The following CSMD1 variants were observed in gnomAD, a reference collection of about 807,000 sequenced individuals.
The protein encoded by CSMD1 is CUB and sushi domain-containing protein 1.
CSMD1 carries 213 observed loss-of-function variants against 417.5 expected under a neutral mutation model. The ratio of observed to expected loss-of-function variants is 0.51; its 90% CI spans 0.46 to 0.57. CSMD1 has a LOEUF of 0.57. Ranked by LOEUF, CSMD1 falls within the 20% of genes least tolerant of loss-of-function variation. The pLI, the probability that CSMD1 is intolerant of heterozygous loss-of-function variation, is 0.00. For missense variants in CSMD1, 6,923 were observed against 4,529.7 expected, an observed-to-expected ratio of 1.53 and a Z score of -15.17; for synonymous variants, 2,862 against 1,736.8, an observed-to-expected ratio of 1.65 and a Z score of -16.11.
At chr8:4,207,725 A>T (rs951285474) in intron 3 of CSMD1, among the ~76,000 whole-genome samples, 1 of 152,106 alleles carries the variant, frequency 6.6e-6, no homozygotes, top group Non-Finnish European at 1.5e-5. Flanking sequence ...TATTAATAGC[A>T]AAATAACAGT....
At chr8:3,789,889 G>T (rs552542151) in intron 5 of CSMD1, among the ~76,000 whole-genome samples, 1 of 151,798 alleles carries the variant, frequency 6.6e-6, no homozygotes, top group Non-Finnish European at 1.5e-5. Flanking sequence ...CCACCACCAC[G>T]CCTGGCTAAT....
At chr8:3,717,228 C>G (rs1345242028) in intron 6 of CSMD1, among the ~76,000 whole-genome samples, 3 of 152,102 alleles carry the variant, frequency 2.0e-5, no homozygotes, top group Admixed American at 6.5e-5. Flanking sequence ...AGTAAACGTA[C>G]CTTTCCATTA....
In CSMD1 at chr8:3,900,305, G is replaced by C. The variant is rs115425820; in HGVS notation, c.818+97598C>G. Reference sequence around the variant, plus strand: ...AGTGCAGCTGCGTGACACTGTAGCTGGGTGACAGTGCAGCTGGATGACACT... The same window carrying C: ...AGTGCAGCTGCGTGACACTGTAGCTCGGTGACAGTGCAGCTGGATGACACT... On this transcript the variant is annotated intron_variant, in intron 5 of 69. Coordinates refer to ENST00000635120, the MANE Select transcript of CSMD1 (RefSeq NM_033225.6). Among the ~76,000 whole-genome samples, 1,091 of 151,888 alleles carry C rather than the reference G, an allele frequency of 7.2e-3. 16 individuals are homozygous for C. Among genetic ancestry groups the C allele is most frequent in the African/African-American group, 0.025 (1,042 of 41,290 alleles).
intron 3 of CSMD1, among the ~76,000 whole-genome samples, chr8:4,414,201 T>C (rs1325929196): frequency 6.6e-6 from 1 of 152,130 alleles, no homozygotes; most frequent in Non-Finnish European, 1.5e-5. Context: ...TAAATCCAGA[T>C]CCACAGGTGT....
intron 3 of CSMD1, among the ~76,000 whole-genome samples, chr8:4,096,261 G>C (rs1801003552): frequency 6.6e-6 from 1 of 152,044 alleles, no homozygotes; most frequent in Non-Finnish European, 1.5e-5. Context: ...GCTAGCTCTT[G>C]ATAGCAAGCA....
At chr8:4,383,038 C>T (rs1240519348) in intron 3 of CSMD1, among the ~76,000 whole-genome samples, 4 of 152,168 alleles carry the variant, frequency 2.6e-5, no homozygotes, top group South Asian at 2.1e-4. Flanking sequence ...ATATTCTGGT[C>T]TCTGTCAGCA....
At chr8:4,600,492 C>T (rs1001268791) in intron 2 of CSMD1, among the ~76,000 whole-genome samples, 1 of 152,136 alleles carries the variant, frequency 6.6e-6, no homozygotes, top group Non-Finnish European at 1.5e-5. Context: ...ATATAATAGG[C>T]TAAATAAATA....
At chr8:3,702,747 G>T (rs1027747348) in intron 7 of CSMD1, among the ~76,000 whole-genome samples, 1 of 152,180 alleles carries the variant, frequency 6.6e-6, no homozygotes, top group Non-Finnish European at 1.5e-5. Flanking sequence ...CAGGAGAATC[G>T]CTGGAACCTG....
At chr8:3,307,270 G>T (rs919585850) in intron 25 of CSMD1, among the ~76,000 whole-genome samples, 3 of 151,936 alleles carry the variant, frequency 2.0e-5, no homozygotes, top group African/African-American at 4.8e-5. Flanking sequence ...CCTGCTGCAG[G>T]AACAGAAGCC....
At chr8:4,256,216 G>C (rs1481229744) in intron 3 of CSMD1, among the ~76,000 whole-genome samples, 1 of 152,156 alleles carries the variant, frequency 6.6e-6, no homozygotes, top group Non-Finnish European at 1.5e-5. Flanking sequence ...CTCAAAGTAA[G>C]TGCATTTGTG....
At chr8:3,974,465 T>A (rs1342851454) in intron 5 of CSMD1, among the ~76,000 whole-genome samples, 2 of 152,136 alleles carry the variant, frequency 1.3e-5, no homozygotes, top group East Asian at 3.9e-4. Flanking sequence ...TATGGCTACT[T>A]ATTAAAATGT....
intron 3 of CSMD1, among the ~76,000 whole-genome samples, chr8:4,315,198 C>T (rs1402703221): frequency 1.3e-5 from 2 of 152,162 alleles, no homozygotes; most frequent in Non-Finnish European, 2.9e-5. Context: ...TCCACACCTA[C>T]CAGAGGTGGC....
At chr8:3,468,554 G>A (rs111228639) in intron 12 of CSMD1, among the ~76,000 whole-genome samples, 158 bp downstream of exon 12, 2,761 of 152,226 alleles carry the variant, frequency 0.018, 99 homozygotes, top group African/African-American at 0.062. Context: ...ATTCACGAAA[G>A]CGAGTGTTAG....
chr8:4,803,021 T>C (rs1563434886), intron 1 of CSMD1, among the ~76,000 whole-genome samples: 1 of 152,222 alleles, frequency 6.6e-6, no homozygotes, highest in Non-Finnish European at 1.5e-5. Context: ...AGATATCATT[T>C]GGTTTTCTCC....
intron 68 of CSMD1, among the ~76,000 whole-genome samples, chr8:2,946,188 T>C (rs1472886938): frequency 6.6e-6 from 1 of 152,230 alleles, no homozygotes; most frequent in African/African-American, 2.4e-5. Flanking sequence ...ATGGGGTCAC[T>C]GGTGCATATG....
At chr8:3,611,784 A>G (rs903023661) in intron 8 of CSMD1, among the ~76,000 whole-genome samples, 5 of 152,146 alleles carry the variant, frequency 3.3e-5, no homozygotes, top group Non-Finnish European at 1.5e-5. Context: ...AACTCGATGA[A>G]TCATTATTTT....
intron 8 of CSMD1, among the ~76,000 whole-genome samples, chr8:3,595,581 C>T (rs991523486): frequency 7.2e-5 from 11 of 152,092 alleles, no homozygotes; most frequent in African/African-American, 2.7e-4. Context: ...CCCTTAATGA[C>T]AATCAAAATA....
chr8:4,440,447 T>C (rs1447173671), intron 2 of CSMD1, among the ~76,000 whole-genome samples: 1 of 152,186 alleles, frequency 6.6e-6, no homozygotes, highest in East Asian at 1.9e-4. Flanking sequence ...ACAAAATCAT[T>C]GTTCATCTTG....
At chr8:4,214,597 C>G (rs555870870) in intron 3 of CSMD1, among the ~76,000 whole-genome samples, 3 of 152,056 alleles carry the variant, frequency 2.0e-5, no homozygotes, top group African/African-American at 7.2e-5. Context: ...TGTGCCTGGC[C>G]CACCTTATTA....
Sources: gnomAD v4.1 joint callset for allele counts (sites outside exome capture counted in the v4.1 genomes callset) on GRCh38, gnomAD v4.1.1 for gene constraint, MANE v1.5 for transcripts, NCBI Gene and HGNC (gene_info 2026-07-23, HGNC 2026-07-21) for gene names.